SH3BGR: variants seen among roughly 807,000 people sequenced by gnomAD.
SH3BGR encodes SH3 domain-binding glutamic acid-rich protein.
SH3BGR carries 29 observed loss-of-function variants against 24.5 expected under a neutral mutation model. That is an observed-to-expected ratio of 1.18 (90% CI 0.88 to 1.61). The LOEUF is 1.61. Ranked by LOEUF, SH3BGR falls within the 40% of genes most tolerant of loss-of-function variation. SH3BGR has a pLI of 0.00. For missense variants in SH3BGR, 162 were observed against 205.8 expected, an observed-to-expected ratio of 0.79 and a Z score of 1.30; for synonymous variants, 55 against 65.7, an observed-to-expected ratio of 0.84 and a Z score of 0.79.
rs1244067348 is a variant in SH3BGR, at chr21:39,511,862, A to G, written c.*34+53A>G. 2 of 1,498,506 alleles carry G rather than the reference A, an allele frequency of 1.3e-6. No individual in the cohort carries two copies. Among genetic ancestry groups the G allele is most frequent in the South Asian group, 1.4e-5 (1 of 73,270 alleles). 92.8% of individuals were successfully genotyped at this position (1,498,506 alleles called of 1,614,324 possible). ...GCTGCTAGTTACCGTACTGTATGCTATCTGCGGCACATTTTGCTTAGTAAC... is the reference window on the plus strand; with the variant it reads ...GCTGCTAGTTACCGTACTGTATGCTGTCTGCGGCACATTTTGCTTAGTAAC... On this transcript the variant is annotated intron_variant, in intron 6 of 6. Coordinates refer to ENST00000333634, the MANE Select transcript of SH3BGR (RefSeq NM_007341.3). This position sits in a 1 kb window ranked among gnomAD's most constrained non-coding sequence, Gnocchi z 4.2.
In SH3BGR at chr21:39,471,310, G is replaced by T. The variant is rs143012073; in HGVS notation, c.232-3825G>T. ...AAATTATTAGTAATTGGCCAGGCGA[G>T]ATGTTGCACGCCTATAATCCTAGCA... On this transcript the variant is annotated intron_variant, in intron 2 of 6. Transcript: ENST00000333634. Among the ~76,000 whole-genome samples the T allele has an allele frequency of 3.8e-3, 584 of 152,208 alleles. 5 individuals carry two copies. Among genetic ancestry groups the T allele is most frequent in the African/African-American group, 0.014 (564 of 41,534 alleles).
chr21:39,461,534 A>C (rs1459865527), intron 1 of SH3BGR, among the ~76,000 whole-genome samples: 1 of 152,200 alleles, frequency 6.6e-6, no homozygotes, highest in African/African-American at 2.4e-5. Flanking sequence ...CGTGCAGGTT[A>C]TATTTATCGC....
At position 39,459,578 on chromosome 21, in the gene SH3BGR, G is replaced by A. The variant is rs866981014; in HGVS notation, c.46-2797G>A. ...GACAGGGTCTTGTTCTATTGCCAAG[G>A]CAGGAGTGCAGTGATGTGATCATAG... is the stretch of plus-strand genomic sequence containing the variant. On this transcript the variant is annotated intron_variant, in intron 1 of 6. Transcript: ENST00000333634. Among the ~76,000 whole-genome samples, 12 of 151,774 alleles carry A rather than the reference G, an allele frequency of 7.9e-5. No individual in the cohort carries two copies. The South Asian group carries it at 2.1e-3, about 26-fold the overall frequency.
intron 1 of SH3BGR, among the ~76,000 whole-genome samples, chr21:39,457,964 A>C (rs1435232026): frequency 6.6e-6 from 1 of 152,066 alleles, no homozygotes; most frequent in Non-Finnish European, 1.5e-5. Context: ...AGAAACAAAA[A>C]ACCCCAAACA....
At chr21:39,503,221 A>T (rs1407694542) in intron 4 of SH3BGR, among the ~76,000 whole-genome samples, 36 of 152,236 alleles carry the variant, frequency 2.4e-4, no homozygotes, top group Admixed American at 2.4e-3. Flanking sequence ...GAGAAGGAAT[A>T]AAAACAGTTT....
chr21:39,499,764 G>GTTTTTTTTTTTT, intron 3 of SH3BGR, 59 bp from the exon 4 acceptor site: 1 of 1,041,766 alleles, frequency 9.6e-7, no homozygotes, highest in Non-Finnish European at 1.4e-6. Flanking sequence ...TATGTGGCCT[G>GTTTTTTTTTTTT]TTTTTTTTTT....
intron 5 of SH3BGR, among the ~76,000 whole-genome samples, chr21:39,510,429 TAC>T (rs140320437): frequency 0.57 from 58,573 of 102,518 alleles, 17,770 homozygotes; most frequent in Admixed American, 0.66. Flanking sequence ...ACACTGTAGC[TAC>T]ACACACACAC....
intron 3 of SH3BGR, among the ~76,000 whole-genome samples, chr21:39,494,202 T>C (rs1348839424): frequency 6.6e-6 from 1 of 151,622 alleles, no homozygotes; most frequent in African/African-American, 2.4e-5. Flanking sequence ...AACTCTACTA[T>C]GTAATATTCC....
chr21:39,506,762 C>T (rs1173414609), intron 4 of SH3BGR, among the ~76,000 whole-genome samples: 1 of 152,120 alleles, frequency 6.6e-6, no homozygotes, highest in Non-Finnish European at 1.5e-5. Context: ...TGGGTGGGTA[C>T]ACAGCCAAAC....
At chr21:39,465,734 G>A (rs2077830877) in intron 2 of SH3BGR, among the ~76,000 whole-genome samples, 1 of 151,990 alleles carries the variant, frequency 6.6e-6, no homozygotes. Flanking sequence ...GGGACTACAG[G>A]TGTGCACCAC....
chr21:39,478,331 G>A (rs1480609498), intron 3 of SH3BGR, among the ~76,000 whole-genome samples: 2 of 152,144 alleles, frequency 1.3e-5, no homozygotes, highest in African/African-American at 2.4e-5. Context: ...CCTCAGAACC[G>A]GGAAGGTGCC....
intron 6 of SH3BGR, among the ~76,000 whole-genome samples, chr21:39,513,785 A>C (rs771071418): frequency 1.1e-4 from 17 of 152,188 alleles, no homozygotes; most frequent in Non-Finnish European, 2.2e-4. Context: ...CAGAAACAAA[A>C]CAAAGCAAAA....
chr21:39,496,470 G>A (rs1022555498), intron 3 of SH3BGR, among the ~76,000 whole-genome samples: 5 of 141,404 alleles, frequency 3.5e-5, no homozygotes, highest in African/African-American at 1.3e-4. Context: ...ACCGCAGTCC[G>A]CAGTCCGGCC....
intron 6 of SH3BGR, among the ~76,000 whole-genome samples, chr21:39,512,344 C>A (rs114444026): frequency 6.6e-6 from 1 of 152,138 alleles, no homozygotes. Flanking sequence ...TACTCCATTT[C>A]CGTTTCTATT....
At chr21:39,453,335 T>C (rs1338218228) in intron 1 of SH3BGR, among the ~76,000 whole-genome samples, 1 of 152,220 alleles carries the variant, frequency 6.6e-6, no homozygotes, top group African/African-American at 2.4e-5. Context: ...GCGAAATCTT[T>C]TGTGGCTATT....
At chr21:39,477,484 A>C (rs1398584248) in intron 3 of SH3BGR, among the ~76,000 whole-genome samples, 1 of 152,100 alleles carries the variant, frequency 6.6e-6, no homozygotes, top group Non-Finnish European at 1.5e-5. Flanking sequence ...GTTGCTCATT[A>C]TTTTTAATTA....
At chr21:39,485,953 G>T (rs1361309952) in intron 3 of SH3BGR, among the ~76,000 whole-genome samples, 3 of 152,164 alleles carry the variant, frequency 2.0e-5, no homozygotes, top group Non-Finnish European at 2.9e-5. Flanking sequence ...CTCCCAAAGT[G>T]CTGGGATTAC....
rs950682781 is a variant in SH3BGR, at chr21:39,501,434, A to G, written c.405+1519A>G. On this transcript the variant is annotated intron_variant, in intron 4 of 6. Coordinates refer to ENST00000333634, the MANE Select transcript of SH3BGR (RefSeq NM_007341.3). ...AAATTGTGAGCCTTTGACAAAGTCA[A>G]TTATAATCTTGTGAATCCTGGTAGG... is the stretch of plus-strand genomic sequence containing the variant. Among the ~76,000 whole-genome samples the G allele has an allele frequency of 4.6e-5, 7 of 152,228 alleles. No individual in the cohort carries two copies. The South Asian group carries it at 8.3e-4, about 18-fold the overall frequency.
Position 39,462,484 on chromosome 21 carries a change from A to C in SH3BGR, c.155A>C (p.Asn52Thr), listed in dbSNP as rs1195967707. The C allele has an allele frequency of 1.9e-6, 3 of 1,611,290 alleles. No homozygotes were observed. Among genetic ancestry groups the C allele is most frequent in the Non-Finnish European group, 2.5e-6 (3 of 1,179,418 alleles). ...DEDNRRWMRENVPGEKKPQNG... is the reference protein window; with the variant it reads ...DEDNRRWMRETVPGEKKPQNG... ...GACAACAGGAGGTGGATGAGAGAGA[A>C]TGTTCCTGGAGAGAAAAAACCTCAA... Residue 52 changes from asparagine (N) to threonine (T), a missense_variant, in exon 2 of 7, where the codon AAT becomes ACT. Transcript: ENST00000333634.
Sources: allele counts gnomAD v4.1 joint callset (sites outside exome capture counted in the v4.1 genomes callset), GRCh38; gene constraint gnomAD v4.1.1; non-coding constraint Gnocchi (gnomAD v3.1); transcripts MANE v1.5; gene names NCBI Gene and HGNC (gene_info 2026-07-23, HGNC 2026-07-21).